IGSF9B: variants seen among roughly 807,000 people sequenced by gnomAD.
IGSF9B encodes the protein protein turtle homolog B.
IGSF9B carries 48 observed loss-of-function variants against 143.7 expected under a neutral mutation model. The ratio of observed to expected loss-of-function variants is 0.33; its 90% CI spans 0.26 to 0.42. The LOEUF (loss-of-function observed/expected upper bound fraction) is 0.42, where lower values mean the gene tolerates loss of function less well. Ranked by LOEUF, IGSF9B falls within the 20% of genes least tolerant of loss-of-function variation. IGSF9B has a pLI of 1.00. For synonymous variants in IGSF9B, 903 were observed against 833.1 expected (o/e 1.08, Z -1.44); for missense variants, 1,706 against 1,980.0 (o/e 0.86, Z 2.63).
At chr11:133,934,280 C>T (rs910525334) in intron 7 of IGSF9B, among the ~76,000 whole-genome samples, 1 of 152,242 alleles carries the variant, frequency 6.6e-6, no homozygotes, top group Non-Finnish European at 1.5e-5. Flanking sequence ...CTCCTGTTGG[C>T]TCCTCCTGCC....
chr11:133,951,137 G>C (rs907798410), intron 1 of IGSF9B, among the ~76,000 whole-genome samples: 2 of 152,174 alleles, frequency 1.3e-5, no homozygotes, highest in African/African-American at 4.8e-5. Flanking sequence ...GAGGAAGGCG[G>C]GACCCAAAGC....
intron 3 of IGSF9B, among the ~76,000 whole-genome samples, chr11:133,938,383 T>C (rs1018996849): frequency 1.3e-5 from 2 of 152,162 alleles, no homozygotes; most frequent in Non-Finnish European, 2.9e-5. Flanking sequence ...GTCGGAGCCC[T>C]ACCAAGACTT....
Position 133,922,175 on chromosome 11 carries a change from A to G in IGSF9B, c.2327+2T>C. 6.2e-7 allele frequency: 1 copy of G among 1,612,882 alleles called. No homozygotes were observed. The highest frequency in any genetic ancestry group is 8.5e-7 in the Non-Finnish European group (1 of 1,179,160). ...AATTCTCCCAGGATCTGAGACACTTACGGAGACTCCAGGCTCTTCCTGCAG... is the reference window on the plus strand; with the variant it reads ...AATTCTCCCAGGATCTGAGACACTTGCGGAGACTCCAGGCTCTTCCTGCAG... On this transcript the variant is annotated splice_donor_variant, in intron 17 of 19. Transcript: ENST00000533871. LOFTEE classifies it high-confidence loss of function.
In IGSF9B at chr11:133,956,802, C is replaced by T. The variant is rs1279167088; in HGVS notation, c.-48G>A. ...GCCTCATCCTATCGCAAAGTGCTCC[C>T]GCGCCCGCACGCGCCTCGCGCCCGA... is the stretch of plus-strand genomic sequence containing the variant. On this transcript the variant is annotated 5_prime_UTR_variant, in exon 1 of 20. Transcript: ENST00000533871. 19 of 1,204,878 alleles carry T rather than the reference C, an allele frequency of 1.6e-5. No individual in the cohort carries two copies. Among genetic ancestry groups the T allele is most frequent in the Non-Finnish European group, 2.0e-5 (18 of 901,638 alleles). 74.6% of individuals were successfully genotyped at this position (1,204,878 alleles called of 1,614,324 possible).
chr11:133,919,005 G>A (rs377573270), intron 18 of IGSF9B: 5 of 483,552 alleles, frequency 1.0e-5, no homozygotes, highest in Admixed American at 2.3e-5. Flanking sequence ...GGCACAGGCA[G>A]GCGTCCAGGC....
At chr11:133,956,635 G>T in intron 1 of IGSF9B, 56 bp downstream of exon 1, 1 of 1,211,630 alleles carries the variant, frequency 8.3e-7, no homozygotes, top group Non-Finnish European at 1.2e-6. Context: ...GGGGCCGGGC[G>T]CGAGGGGCCG....
In IGSF9B at chr11:133,914,175, A is replaced by G. The variant is rs76246750; in HGVS notation, c.3984-2168T>C. Among the ~76,000 whole-genome samples the G allele has an allele frequency of 2.6e-5, 4 of 152,270 alleles. No individual in the cohort carries two copies. The East Asian group carries it at 7.7e-4, about 29-fold the overall frequency. On this transcript the variant is annotated intron_variant, in intron 18 of 19. Transcript: ENST00000533871. ...CACTGCTGTACAATAATTGCCTGTAATCTCTACAGCAAACCTAAGAGGTAG... is the reference window on the plus strand; with the variant it reads ...CACTGCTGTACAATAATTGCCTGTAGTCTCTACAGCAAACCTAAGAGGTAG...
chr11:133,935,875 T>G, intron 6 of IGSF9B, 113 bp from the exon 7 acceptor site: 1 of 1,426,848 alleles, frequency 7.0e-7, no homozygotes, highest in East Asian at 2.4e-5. Context: ...GCCCCTGGCA[T>G]CCCCAGGGCC....
chr11:133,944,008 G>A (rs1351637278), intron 3 of IGSF9B, among the ~76,000 whole-genome samples: 2 of 152,220 alleles, frequency 1.3e-5, no homozygotes, highest in Non-Finnish European at 2.9e-5. Context: ...GCCGCTCCTG[G>A]GCACCTGCAC....
intron 6 of IGSF9B, 26 bp downstream of exon 6, chr11:133,936,027 T>C (rs752429188): frequency 4.3e-6 from 7 of 1,610,204 alleles, no homozygotes; most frequent in South Asian, 3.3e-5. Context: ...GGCAACCTCA[T>C]TGAAAAGTCA....
intron 1 of IGSF9B, among the ~76,000 whole-genome samples, chr11:133,954,582 T>C (rs1243094891): frequency 6.6e-6 from 1 of 152,196 alleles, no homozygotes; most frequent in Non-Finnish European, 1.5e-5. Context: ...TTTGTTTCCT[T>C]ATAACACTCA....
chr11:133,931,273 G>A lies in IGSF9B; in HGVS notation c.1369-139C>T. 1 of 1,002,874 alleles carries A rather than the reference G, an allele frequency of 1.0e-6. No homozygotes were observed. The highest frequency in any genetic ancestry group is 1.5e-6 in the Non-Finnish European group (1 of 671,672). 62.1% of individuals were successfully genotyped at this position (1,002,874 alleles called of 1,614,324 possible). A position where few individuals can be genotyped will look rare whatever the true frequency, so the allele number is the denominator to read the frequency against. ...CTCCCGAGTGCCTGCCGCTCTTCAG[G>A]GTCAGCTCACTGCTCGGCATCTAGC... is the stretch of plus-strand genomic sequence containing the variant. On this transcript the variant is annotated intron_variant, in intron 10 of 19. Coordinates refer to ENST00000533871, the MANE Select transcript of IGSF9B (RefSeq NM_001277285.4). The surrounding 1 kb of genome is among the most constrained non-coding windows in gnomAD (Gnocchi z 7.7).
intron 18 of IGSF9B, chr11:133,919,070 C>G: frequency 2.2e-6 from 1 of 453,112 alleles, no homozygotes; most frequent in South Asian, 1.5e-5. Flanking sequence ...CTCAGGCGGG[C>G]TGGTCGCGGG....
chr11:133,940,421 C>G (rs1939924838), intron 3 of IGSF9B, among the ~76,000 whole-genome samples: 1 of 143,784 alleles, frequency 7.0e-6, no homozygotes, highest in African/African-American at 2.6e-5. Flanking sequence ...CCTTGCACGT[C>G]CTCGCACGCG....
intron 1 of IGSF9B, among the ~76,000 whole-genome samples, chr11:133,950,795 T>TG (rs894803979): frequency 2.6e-5 from 4 of 152,140 alleles, no homozygotes; most frequent in Admixed American, 1.3e-4. Context: ...TGGGTCTGGC[T>TG]GGTGGCTGGG....
Position 133,937,790 on chromosome 11 carries a change from C to A in IGSF9B, c.561+20G>T. On this transcript the variant is annotated intron_variant, in intron 4 of 19. Transcript: ENST00000533871. ...ACGGGGGAAGAGACCGCAGCGGCCC[C>A]AACCTAGAACCACACTCACCTGGTA... The A allele has an allele frequency of 6.2e-7, 1 of 1,605,012 alleles. No homozygotes were observed.
At position 133,946,176 on chromosome 11, in the gene IGSF9B, G is replaced by C; in HGVS notation, c.147C>G (p.His49Gln). 1 of 1,613,638 alleles carries C rather than the reference G, an allele frequency of 6.2e-7. No individual in the cohort carries two copies. The part of the protein sequence containing the change: ...ESVVLRCDVI[H>Q]PVTGQPPPYV... ...AGGGTGGGGGCTGTCCCGTCACTGG[G>C]TGGATCACGTCGCATCGCAGGACCA... Residue 49 changes from histidine to glutamine, a missense_variant, in exon 2 of 20, where the codon CAC becomes CAG. By Grantham distance (24) the His-to-Gln change is conservative. Coordinates refer to ENST00000533871, the MANE Select transcript of IGSF9B (RefSeq NM_001277285.4).
Position 133,922,176 on chromosome 11 carries a change from C to T in IGSF9B, c.2327+1G>A. On this transcript the variant is annotated splice_donor_variant, in intron 17 of 19. Coordinates refer to ENST00000533871, the MANE Select transcript of IGSF9B (RefSeq NM_001277285.4). LOFTEE classifies it high-confidence loss of function. ...ATTCTCCCAGGATCTGAGACACTTA[C>T]GGAGACTCCAGGCTCTTCCTGCAGT... 1 of 1,612,812 alleles carries T rather than the reference C, an allele frequency of 6.2e-7. No individual in the cohort carries two copies. Among genetic ancestry groups the T allele is most frequent in the Non-Finnish European group, 8.5e-7 (1 of 1,179,198 alleles).
At chr11:133,925,637 C>G in intron 14 of IGSF9B, 102 bp downstream of exon 14, 2 of 854,740 alleles carry the variant, frequency 2.3e-6, no homozygotes. Flanking sequence ...ATGTGGCTGG[C>G]CTCACACACC....
Sources: gnomAD v4.1 joint callset for allele counts (sites outside exome capture counted in the v4.1 genomes callset) on GRCh38, gnomAD v4.1.1 for gene constraint, Gnocchi (gnomAD v3.1) non-coding constraint, MANE v1.5 for transcripts, NCBI Gene and HGNC (gene_info 2026-07-23, HGNC 2026-07-21) for gene names.